NRXN3: variants seen among roughly 807,000 people sequenced by gnomAD.
NRXN3 encodes the protein neurexin III.
In NRXN3, 32 loss-of-function variants were observed where a neutral mutation model predicts 137.6. The observed-to-expected ratio is 0.23, with a 90% confidence interval of 0.18 to 0.31. NRXN3 has a LOEUF of 0.31. NRXN3 is among the 10% of genes least tolerant of loss of function. The pLI is 1.00. For missense variants in NRXN3, 1,574 were observed against 2,062.5 expected (o/e 0.76, Z 4.59); for synonymous variants, 798 against 784.5 (o/e 1.02, Z -0.29).
At chr14:79,668,864 C>A (rs1429463163) in intron 17 of NRXN3, among the ~76,000 whole-genome samples, 1 of 152,012 alleles carries the variant, frequency 6.6e-6, no homozygotes, top group Non-Finnish European at 1.5e-5. Context: ...AAGTTTCCAA[C>A]ATATTTTGTT....
chr14:79,861,970 CG>C lies in NRXN3; in HGVS notation c.*7del. The C allele has an allele frequency of 6.2e-7, 1 of 1,602,600 alleles. No homozygotes were observed. The highest frequency in any genetic ancestry group is 8.5e-7 in the Non-Finnish European group (1 of 1,172,598). On this transcript the variant is annotated 3_prime_UTR_variant, in exon 21 of 21. Coordinates refer to ENST00000335750, the MANE Select transcript of NRXN3 (RefSeq NM_001330195.2). The surrounding 1 kb of genome is among the most constrained non-coding windows in gnomAD (Gnocchi z 5.4). ...ACAGGGAGTATTACGTGTAAACATG[CG>C]AACACTGCTCACACGCGAGTTTTCA...
chr14:79,401,655 A>T (rs1360919096), intron 15 of NRXN3, among the ~76,000 whole-genome samples: 1 of 152,170 alleles, frequency 6.6e-6, no homozygotes, highest in Admixed American at 6.5e-5. Flanking sequence ...GAAAACAGTA[A>T]CAATTTGAGG....
At chr14:78,970,379 T>C (rs1161261581) in intron 14 of NRXN3, among the ~76,000 whole-genome samples, 1 of 151,528 alleles carries the variant, frequency 6.6e-6, no homozygotes, top group African/African-American at 2.5e-5. Flanking sequence ...GTAATAGAGA[T>C]AAAATTATCA....
At chr14:79,514,393 T>C (rs971077619) in intron 16 of NRXN3, among the ~76,000 whole-genome samples, 1 of 152,158 alleles carries the variant, frequency 6.6e-6, no homozygotes, top group African/African-American at 2.4e-5. Flanking sequence ...TAATTTCTGC[T>C]TGCCATTTTC....
intron 2 of NRXN3, among the ~76,000 whole-genome samples, chr14:78,273,874 A>G (rs1377934601): frequency 6.6e-6 from 1 of 152,168 alleles, no homozygotes; most frequent in Non-Finnish European, 1.5e-5. Context: ...GCGCCACTGC[A>G]TTTAAATCTG....
chr14:79,104,670 A>G (rs954893358), intron 15 of NRXN3, among the ~76,000 whole-genome samples: 2 of 152,186 alleles, frequency 1.3e-5, no homozygotes, highest in Non-Finnish European at 2.9e-5. Context: ...AAGACTTCTC[A>G]TTAGATGGCT....
At chr14:78,414,599 G>A (rs1306154417) in intron 4 of NRXN3, among the ~76,000 whole-genome samples, 1 of 152,196 alleles carries the variant, frequency 6.6e-6, no homozygotes, top group Non-Finnish European at 1.5e-5. Context: ...TTAAGTGCCA[G>A]GGGATTTACT....
chr14:79,311,064 G>A (rs1267004196), intron 15 of NRXN3, among the ~76,000 whole-genome samples: 59 of 114,434 alleles, frequency 5.2e-4, no homozygotes, highest in Middle Eastern at 4.6e-3. Flanking sequence ...GATATTGGCT[G>A]TGGGTTTGTC....
chr14:79,816,802 A>C (rs2099252841), intron 20 of NRXN3, among the ~76,000 whole-genome samples: 1 of 152,232 alleles, frequency 6.6e-6, no homozygotes, highest in African/African-American at 2.4e-5. Context: ...ATTTTCTAAT[A>C]GAGTAAGCTA....
chr14:79,767,814 G>T (rs373546874), intron 19 of NRXN3, among the ~76,000 whole-genome samples: 8 of 152,312 alleles, frequency 5.3e-5, no homozygotes, highest in African/African-American at 9.6e-5. Flanking sequence ...GCTCCCAGCG[G>T]GAGCAACGCA....
intron 15 of NRXN3, among the ~76,000 whole-genome samples, chr14:79,389,609 G>A (rs1340979112): frequency 1.3e-5 from 2 of 152,204 alleles, no homozygotes; most frequent in African/African-American, 2.4e-5. Flanking sequence ...TGGATACTTT[G>A]TGAGAATCCC....
chr14:78,221,374 G>A (rs746602097), intron 1 of NRXN3, among the ~76,000 whole-genome samples: 2 of 152,106 alleles, frequency 1.3e-5, no homozygotes, highest in Non-Finnish European at 2.9e-5. Context: ...TGATAAGGGA[G>A]TAGGAAAAAG....
At chr14:78,792,624 A>G (rs2098809161) in intron 8 of NRXN3, among the ~76,000 whole-genome samples, 1 of 152,240 alleles carries the variant, frequency 6.6e-6, no homozygotes, top group Admixed American at 6.5e-5. Flanking sequence ...AGTATGTTCA[A>G]TGCTAAGATG....
At chr14:79,184,496 T>C (rs562730635) in intron 15 of NRXN3, among the ~76,000 whole-genome samples, 1 of 152,322 alleles carries the variant, frequency 6.6e-6, no homozygotes, top group Non-Finnish European at 1.5e-5. Context: ...GTTTATAGGA[T>C]GCATGGATAT....
chr14:78,222,776 CCT>C (rs1328226407), intron 1 of NRXN3, among the ~76,000 whole-genome samples: 1 of 152,128 alleles, frequency 6.6e-6, no homozygotes, highest in Admixed American at 6.5e-5. Flanking sequence ...CTTTGCAGAG[CCT>C]CTCACTACTT....
In NRXN3 at chr14:78,593,956, G is replaced by A. The variant is rs74341127; in HGVS notation, c.758-51164G>A. 3.3e-3 allele frequency among the ~76,000 whole-genome samples: 501 copies of A among 152,286 alleles called. 4 individuals are homozygous for A. The highest frequency in any genetic ancestry group is 0.011 in the African/African-American group (463 of 41,562). ...TCATGTGCATGATATGGAAGGGTCT[G>A]GAGGGAAGAGGCTGCTGGTGCCTAT... is the stretch of plus-strand genomic sequence containing the variant. On this transcript the variant is annotated intron_variant, in intron 4 of 20. Transcript: ENST00000335750.
intron 15 of NRXN3, among the ~76,000 whole-genome samples, chr14:79,018,283 AAAAAAAAAAAAAAG>A (rs1435044865): frequency 3.3e-5 from 2 of 60,498 alleles, no homozygotes; most frequent in Non-Finnish European, 8.1e-5. Context: ...AAAAAAAAAA[AAAAAAAAAAAAAAG>A]AGAGAGAGCA....
At chr14:79,788,683 T>C (rs1390228143) in intron 19 of NRXN3, among the ~76,000 whole-genome samples, 2 of 152,186 alleles carry the variant, frequency 1.3e-5, no homozygotes, top group Non-Finnish European at 2.9e-5. Context: ...TAGTTGCCTC[T>C]AGAAGAAGTC....
At chr14:79,297,393 A>G (rs1363052657) in intron 15 of NRXN3, among the ~76,000 whole-genome samples, 1 of 152,168 alleles carries the variant, frequency 6.6e-6, no homozygotes, top group Non-Finnish European at 1.5e-5. Flanking sequence ...TTTGGAATAT[A>G]CTTATAATTT....
Sources: gnomAD v4.1 joint callset for allele counts (sites outside exome capture counted in the v4.1 genomes callset) on GRCh38, gnomAD v4.1.1 for gene constraint, Gnocchi (gnomAD v3.1) non-coding constraint, MANE v1.5 for transcripts, NCBI Gene and HGNC (gene_info 2026-07-23, HGNC 2026-07-21) for gene names.